The following PRELID2 variants were observed in gnomAD, a reference collection of about 807,000 sequenced individuals.
PRELID2 encodes the protein PRELI domain-containing protein 2.
In PRELID2, 25 loss-of-function variants were observed where a neutral mutation model predicts 28.4. That is an observed-to-expected ratio of 0.88 (90% confidence interval 0.64 to 1.23). The LOEUF (loss-of-function observed/expected upper bound fraction) is 1.23. Among genes scored for constraint, PRELID2 ranks in the 50% most tolerant of loss-of-function variants. The pLI is 0.00. For synonymous variants in PRELID2, 76 were observed against 71.6 expected, an observed-to-expected ratio of 1.06 and a Z score of -0.31; for missense variants, 201 against 214.4, an observed-to-expected ratio of 0.94 and a Z score of 0.39.
At chr5:145,434,045 G>A in the PRELID2 span, among the ~76,000 whole-genome samples, 1 of 152,140 alleles carries the variant, frequency 6.6e-6, no homozygotes, top group African/African-American at 2.4e-5. Flanking sequence ...AATGGACATG[G>A]CTGTAGAGAG....
At chr5:145,342,902 T>TAAA in the PRELID2 span, among the ~76,000 whole-genome samples, 13 of 128,950 alleles carry the variant, frequency 1.0e-4, no homozygotes, top group African/African-American at 1.8e-4. Flanking sequence ...TCAAAAACAG[T>TAAA]AAAAAAAAAA....
intron 1 of PRELID2, among the ~76,000 whole-genome samples, chr5:145,555,463 C>G (rs114933610): frequency 0.014 from 2,138 of 152,264 alleles, 45 homozygotes; most frequent in African/African-American, 0.048. Context: ...ATACGTATAA[C>G]ACTTTTCCTA....
chr5:145,718,195 G>A (rs1381145377), intron 1 of PRELID2, among the ~76,000 whole-genome samples: 1 of 151,846 alleles, frequency 6.6e-6, no homozygotes, highest in Non-Finnish European at 1.5e-5. Context: ...AGAATCTAGA[G>A]ACAAGCTATT....
chr5:145,670,505 C>T (rs1387024629), intron 1 of PRELID2, among the ~76,000 whole-genome samples: 1 of 152,134 alleles, frequency 6.6e-6, no homozygotes, highest in East Asian at 1.9e-4. Flanking sequence ...TCTGTGTTTG[C>T]TCATTTGTAT....
chr5:145,497,787 G>T (rs1752321723), intron 1 of PRELID2, among the ~76,000 whole-genome samples: 1 of 152,298 alleles, frequency 6.6e-6, no homozygotes, highest in African/African-American at 2.4e-5. Flanking sequence ...ATGAAAAAAA[G>T]GTTAGCAAGT....
the PRELID2 span, among the ~76,000 whole-genome samples, chr5:145,257,740 A>C: frequency 1.3e-5 from 2 of 152,212 alleles, no homozygotes; most frequent in African/African-American, 4.8e-5. Flanking sequence ...GAGACAAAGA[A>C]AGGGCATTTC....
chr5:145,378,980 TG>T, the PRELID2 span, among the ~76,000 whole-genome samples: 1 of 152,140 alleles, frequency 6.6e-6, no homozygotes, highest in Non-Finnish European at 1.5e-5. Context: ...TTCTATTAGA[TG>T]AAGTTTGGAT....
chr5:145,410,960 A>G, the PRELID2 span, among the ~76,000 whole-genome samples: 1 of 152,010 alleles, frequency 6.6e-6, no homozygotes, highest in Admixed American at 6.6e-5. Context: ...TACATCCTAG[A>G]TACAATGGTG....
chr5:145,733,084 A>G (rs1756391264), intron 1 of PRELID2, among the ~76,000 whole-genome samples: 1 of 136,044 alleles, frequency 7.4e-6, no homozygotes, highest in Non-Finnish European at 1.6e-5. Flanking sequence ...TGTCTCTACA[A>G]AAAAAAAAAA....
At chr5:145,450,458 G>T in the PRELID2 span, among the ~76,000 whole-genome samples, 2 of 152,052 alleles carry the variant, frequency 1.3e-5, no homozygotes, top group Non-Finnish European at 2.9e-5. Flanking sequence ...TACCTCCTGG[G>T]CAGCCGGTCA....
At chr5:145,361,432 G>A in the PRELID2 span, among the ~76,000 whole-genome samples, 6 of 152,262 alleles carry the variant, frequency 3.9e-5, no homozygotes, top group African/African-American at 1.4e-4. Context: ...GGTATCTTCT[G>A]CTGACTGCTG....
At chr5:145,237,958 C>T in the PRELID2 span, among the ~76,000 whole-genome samples, 1 of 152,058 alleles carries the variant, frequency 6.6e-6, no homozygotes, top group Admixed American at 6.6e-5. Flanking sequence ...AGAACCCCAA[C>T]CCTCCAATCC....
intron 1 of PRELID2, among the ~76,000 whole-genome samples, chr5:145,623,101 G>C (rs1420939145): frequency 6.6e-6 from 1 of 151,912 alleles, no homozygotes; most frequent in Non-Finnish European, 1.5e-5. Flanking sequence ...TAATAAGATA[G>C]TTTGGTGGTC....
chr5:145,803,735 T>TAAA lies in PRELID2; in HGVS notation c.369-7191_369-7189dup, dbSNP rs11368542. Reference sequence around the variant, plus strand: ...CCACCATTATTATTCCAATTTAAAGTAAAAAAAAAAAAAAAAAGCACAGTG... The same window carrying TAAA: ...CCACCATTATTATTCCAATTTAAAGTAAAAAAAAAAAAAAAAAAAAGCACAGTG... On this transcript the variant is annotated intron_variant, in intron 4 of 6. Transcript: ENST00000683046. Among the ~76,000 whole-genome samples, 822 of 134,546 alleles carry TAAA rather than the reference T, an allele frequency of 6.1e-3. 16 individuals are homozygous for TAAA. Among genetic ancestry groups the TAAA allele is most frequent in the African/African-American group, 0.018 (665 of 35,948 alleles). 88.3% of individuals were successfully genotyped at this position (134,546 alleles called of 152,430 possible).
Position 145,627,097 on chromosome 5 carries a change from CAAAAAAAAAAAAAAAAAAAAAAAA to C in PRELID2, n.70+137810_70+137833del, listed in dbSNP as rs745309247. On this transcript the variant is annotated intron_variant and non_coding_transcript_variant, in intron 1 of 2. Transcript: ENST00000510259. Reference sequence around the variant, plus strand: ...CCTGGGTGACAGAGTAAGACTCTCCCAAAAAAAAAAAAAAAAAAAAAAAAAAAAAAAAAAAAAAAAAAAAAAAAA... The same window carrying C: ...CCTGGGTGACAGAGTAAGACTCTCCCAAAAAAAAAAAAAAAAAAAAAAAAA... 5.3e-3 allele frequency among the ~76,000 whole-genome samples: 223 copies of C among 41,810 alleles called. 3 individuals are homozygous for C. The highest frequency in any genetic ancestry group is 9.4e-3 in the African/African-American group (127 of 13,502). The allele number at this position is 41,810 out of a possible 152,430, so 27.4% of individuals were successfully genotyped here.
chr5:145,408,669 A>T, the PRELID2 span, among the ~76,000 whole-genome samples: 7 of 151,982 alleles, frequency 4.6e-5, no homozygotes, highest in Admixed American at 3.9e-4. Context: ...AAAAAGACAA[A>T]GAAAAAAGCA....
At chr5:145,673,829 A>C (rs1361514192) in intron 1 of PRELID2, among the ~76,000 whole-genome samples, 2 of 152,058 alleles carry the variant, frequency 1.3e-5, no homozygotes, top group Non-Finnish European at 2.9e-5. Context: ...TTATTACAGT[A>C]ATAATAACAC....
At chr5:145,740,526 T>C (rs1448881232) in intron 1 of PRELID2, among the ~76,000 whole-genome samples, 33 of 135,358 alleles carry the variant, frequency 2.4e-4, no homozygotes, top group African/African-American at 8.9e-4. Flanking sequence ...CTAGCATTTA[T>C]AAAACATTTT....
the PRELID2 span, among the ~76,000 whole-genome samples, chr5:145,432,743 T>C: frequency 2.0e-5 from 3 of 152,148 alleles, no homozygotes; most frequent in Admixed American, 1.3e-4. Context: ...CATAGGGCTT[T>C]GTGTTTTGAA....
Sources: gnomAD v4.1 joint callset for allele counts (sites outside exome capture counted in the v4.1 genomes callset) on GRCh38, gnomAD v4.1.1 for gene constraint, MANE v1.5 for transcripts, NCBI Gene and HGNC (gene_info 2026-07-23, HGNC 2026-07-21) for gene names.